The following DHRS12 variants were observed in gnomAD, a reference collection of about 807,000 sequenced individuals.
DHRS12 encodes the protein dehydrogenase/reductase 12, also known as dehydrogenase/reductase SDR family member 12.
DHRS12 carries 29 observed loss-of-function variants against 32.1 expected under a neutral mutation model. That is an observed-to-expected ratio of 0.90 (90% CI 0.67 to 1.23). The LOEUF is 1.23. DHRS12 is among the 50% of genes most tolerant of loss of function. DHRS12 has a pLI of 0.00. For synonymous variants in DHRS12, 150 were observed against 135.9 expected, an observed-to-expected ratio of 1.10 and a Z score of -0.72; for missense variants, 330 against 337.2, an observed-to-expected ratio of 0.98 and a Z score of 0.17.
chr13:51,790,263 G>A (rs1470597964), intron 3 of DHRS12, among the ~76,000 whole-genome samples, 171 bp from the exon 4 acceptor site: 1 of 152,056 alleles, frequency 6.6e-6, no homozygotes, highest in Admixed American at 6.6e-5. Context: ...AATACCACTT[G>A]TGCAGAGGAT....
chr13:51,791,035 G>T, intron 3 of DHRS12, 130 bp downstream of exon 3: 1 of 543,870 alleles, frequency 1.8e-6, no homozygotes, highest in Non-Finnish European at 3.1e-6. Context: ...CCATGAACAG[G>T]CCCAAGCATA....
chr13:51,756,495 T>G, the DHRS12 span: 1 of 1,598,580 alleles, frequency 6.3e-7, no homozygotes, highest in Non-Finnish European at 8.5e-7. Context: ...CCGCTTCAGG[T>G]TAAGGCGAGA....
chr13:51,779,951 C>T (rs1040297499), intron 4 of DHRS12, among the ~76,000 whole-genome samples: 21 of 151,868 alleles, frequency 1.4e-4, no homozygotes, highest in African/African-American at 4.3e-4. Flanking sequence ...CCGAGGCGGG[C>T]GGATCACTTG....
In DHRS12 at chr13:51,769,806, C is replaced by A. The variant is rs77897245; in HGVS notation, c.560-513G>T. Among the ~76,000 whole-genome samples, 4 of 152,362 alleles carry A rather than the reference C, an allele frequency of 2.6e-5. No individual in the cohort carries two copies. In the South Asian group the frequency reaches 8.3e-4, roughly 32 times the overall value. ...TCTTCACTTCCTCTGCCAAGCCCCTCGAGGTGTCCCACCCTCTGCATCCCA... is the reference window on the plus strand; with the variant it reads ...TCTTCACTTCCTCTGCCAAGCCCCTAGAGGTGTCCCACCCTCTGCATCCCA... On this transcript the variant is annotated intron_variant, in intron 7 of 8. Transcript: ENST00000444610.
At position 51,791,147 on chromosome 13, in the gene DHRS12, T is replaced by TA; in HGVS notation, c.219+17dup. ...GGCCAACATGAATTTATTCTCCACTTATGTTTACAAAGCTCACCAGAACAT... is the reference window on the plus strand; with the variant it reads ...GGCCAACATGAATTTATTCTCCACTTAATGTTTACAAAGCTCACCAGAACAT... On this transcript the variant is annotated intron_variant, in intron 3 of 8. Transcript: ENST00000444610. 1.3e-6 allele frequency: 2 copies of TA among 1,514,732 alleles called. No individual in the cohort carries two copies. The highest frequency in any genetic ancestry group is 1.8e-6 in the Non-Finnish European group (2 of 1,118,680). The allele number at this position is 1,514,732 out of a possible 1,614,324, so 93.8% of individuals were successfully genotyped here.
chr13:51,768,060 G>A lies in DHRS12; in HGVS notation c.*127C>T. 1 of 1,462,816 alleles carries A rather than the reference G, an allele frequency of 6.8e-7. No homozygotes were observed. Among genetic ancestry groups the A allele is most frequent in the Non-Finnish European group, 9.0e-7 (1 of 1,111,526 alleles). 90.6% of individuals were successfully genotyped at this position (1,462,816 alleles called of 1,614,324 possible). A position where few individuals can be genotyped will look rare whatever the true frequency, so the allele number is the denominator to read the frequency against. On this transcript the variant is annotated 3_prime_UTR_variant, in exon 9 of 9. Coordinates refer to ENST00000444610, the MANE Select transcript of DHRS12 (RefSeq NM_001377533.1). Reference sequence around the variant, plus strand: ...AAATAAAAGTTCCCATCCCTTGTAGGCCTCGCTGTGAGGCACAACGTCTTC... The same window carrying A: ...AAATAAAAGTTCCCATCCCTTGTAGACCTCGCTGTGAGGCACAACGTCTTC...
At chr13:51,797,269 AAAT>A in intron 2 of DHRS12, among the ~76,000 whole-genome samples, 1 of 152,286 alleles carries the variant, frequency 6.6e-6, no homozygotes, top group Admixed American at 6.5e-5. Context: ...TAGAAATTCT[AAAT>A]AACTTTTACA....
At chr13:51,786,603 C>T (rs1258776490) in intron 4 of DHRS12, among the ~76,000 whole-genome samples, 3 of 152,174 alleles carry the variant, frequency 2.0e-5, no homozygotes, top group Non-Finnish European at 2.9e-5. Flanking sequence ...AGGCCCCACC[C>T]GCCCCCGCAA....
chr13:51,768,762 A>C, intron 8 of DHRS12: 1 of 1,141,554 alleles, frequency 8.8e-7, no homozygotes, highest in Non-Finnish European at 1.1e-6. Flanking sequence ...CACTGCTTCC[A>C]AAAATAGAGA....
intron 6 of DHRS12, 69 bp downstream of exon 6, chr13:51,773,861 G>A: frequency 7.5e-7 from 1 of 1,325,642 alleles, no homozygotes. Context: ...CCCAGAGTAA[G>A]CTTTCCTTGG....
intron 4 of DHRS12, among the ~76,000 whole-genome samples, chr13:51,788,195 G>A (rs563338491): frequency 1.3e-5 from 2 of 152,050 alleles, no homozygotes; most frequent in South Asian, 4.1e-4. Flanking sequence ...TGCAAATTAT[G>A]TAACCAGTCC....
At chr13:51,798,049 G>A (rs1182024961) in intron 2 of DHRS12, 1 of 801,104 alleles carries the variant, frequency 1.2e-6, no homozygotes, top group African/African-American at 1.7e-5. Context: ...AGAGTTAAGA[G>A]CAGCAAGGGC....
intron 1 of DHRS12, among the ~76,000 whole-genome samples, chr13:51,802,230 G>A (rs1363355681): frequency 6.8e-6 from 1 of 147,180 alleles, no homozygotes; most frequent in Non-Finnish European, 1.5e-5. Flanking sequence ...ACTTTCCCAA[G>A]GTCACCAGAA....
chr13:51,756,341 C>T, the DHRS12 span: 29 of 1,613,324 alleles, frequency 1.8e-5, no homozygotes, highest in Non-Finnish European at 2.3e-5. Flanking sequence ...GCACCACTGC[C>T]GCAAGTGTGG....
rs1566271300 is a variant in DHRS12, at chr13:51,769,174, TG to T, written c.678del (p.Ser227AlafsTer68). The T allele has an allele frequency of 5.2e-6, 8 of 1,552,540 alleles. No individual in the cohort carries two copies. The highest frequency in any genetic ancestry group is 7.0e-6 in the Non-Finnish European group (8 of 1,148,982). On this transcript the variant is annotated frameshift_variant, in exon 8 of 9. Coordinates refer to ENST00000444610, the MANE Select transcript of DHRS12 (RefSeq NM_001377533.1). LOFTEE classifies it low-confidence loss of function (END_TRUNC). ...AAGTCACCTTGAAAGAAGCGGCCGC[TG>T]GGCTGTGCGGCTGCGGCAGAGGAGA... ...LALSSAAAAQ[P>X]SGRFFQDRKP...
chr13:51,794,171 G>A lies in DHRS12; in HGVS notation c.127-2914C>T, dbSNP rs78033554. On this transcript the variant is annotated intron_variant, in intron 2 of 8. Coordinates refer to ENST00000444610, the MANE Select transcript of DHRS12 (RefSeq NM_001377533.1). The stretch of plus-strand genomic sequence containing the variant: ...CCCAATCTGCGGAGCCACACAATGA[G>A]AAGGCTCACCTTAGGAGCCACTGGG... Among the ~76,000 whole-genome samples, 800 of 152,330 alleles carry A rather than the reference G, an allele frequency of 5.3e-3. 5 individuals carry two copies. The highest frequency in any genetic ancestry group is 0.018 in the African/African-American group (750 of 41,564).
rs920275600 is a variant in DHRS12 at position 51,768,079 on chromosome 13, C to T, written c.*108G>A. The T allele has an allele frequency of 6.9e-5, 102 of 1,486,378 alleles. 1 individual carries two copies. In the East Asian group the frequency reaches 1.1e-3, roughly 17 times the overall value. 92.1% of individuals were successfully genotyped at this position (1,486,378 alleles called of 1,614,324 possible). ...TTGTAGGCCTCGCTGTGAGGCACAA[C>T]GTCTTCGAGGGGAAGTTGAAGTGGG... On this transcript the variant is annotated 3_prime_UTR_variant, in exon 9 of 9. Coordinates refer to ENST00000444610, the MANE Select transcript of DHRS12 (RefSeq NM_001377533.1).
In DHRS12 at chr13:51,790,017, T is replaced by C. The variant is rs994091399; in HGVS notation, c.295A>G (p.Thr99Ala). 2 of 1,604,604 alleles carry C rather than the reference T, an allele frequency of 1.2e-6. No individual in the cohort carries two copies. The highest frequency in any genetic ancestry group is 2.7e-5 in the African/African-American group (2 of 74,124). The change falls in exon 4 of 9, where the codon ACT becomes GCT. Residue 99 changes from threonine to alanine, a missense_variant. Physicochemically the swap from Thr to Ala is moderately conservative, Grantham distance 58. Transcript: ENST00000444610. ...DGLEKNFAANTLGVYILTTGL... is the reference protein window; with the variant it reads ...DGLEKNFAANALGVYILTTGL... ...GAAAACTTCTTGTACTTACCCAGAGTATTGGCAGCAAAGTTTTTTTCAAGT... is the reference window on the plus strand; with the variant it reads ...GAAAACTTCTTGTACTTACCCAGAGCATTGGCAGCAAAGTTTTTTTCAAGT...
chr13:51,792,901 A>G (rs1385557742), intron 2 of DHRS12, among the ~76,000 whole-genome samples: 1 of 151,130 alleles, frequency 6.6e-6, no homozygotes, highest in African/African-American at 2.4e-5. Context: ...CTTTGCATGG[A>G]TATGTCAGGG....
Sources: allele counts gnomAD v4.1 joint callset (sites outside exome capture counted in the v4.1 genomes callset), GRCh38; gene constraint gnomAD v4.1.1; transcripts MANE v1.5; gene names NCBI Gene and HGNC (gene_info 2026-07-23, HGNC 2026-07-21).